Variants in SRPRB observed in about 807,000 individuals in gnomAD.
SRPRB encodes SRP receptor subunit beta.
SRPRB carries 20 observed loss-of-function variants against 31.9 expected under a neutral mutation model. The ratio of observed to expected loss-of-function variants is 0.63; its 90% CI spans 0.44 to 0.91. The LOEUF is 0.91. Ranked by LOEUF, SRPRB falls within the 40% of genes least tolerant of loss-of-function variation. The pLI is 0.00. For missense variants in SRPRB, 321 were observed against 324.9 expected, an observed-to-expected ratio of 0.99 and a Z score of 0.09; for synonymous variants, 146 against 132.8, an observed-to-expected ratio of 1.10 and a Z score of -0.68.
At chr3:133,789,878 C>CATTTTTTTTTTTTTTTTTTTT (rs1559884865) in intron 1 of SRPRB, 1 of 52,408 alleles carries the variant, frequency 1.9e-5, no homozygotes, top group African/African-American at 9.3e-5. Flanking sequence ...ATCTCGTTTG[C>CATTTTTTTTTTTTTTTTTTTT]GTTTTTTTTT....
chr3:133,815,223 C>A (rs1370650114), intron 4 of SRPRB, among the ~76,000 whole-genome samples: 2 of 152,208 alleles, frequency 1.3e-5, no homozygotes, highest in African/African-American at 2.4e-5. Flanking sequence ...TCAACTGTTA[C>A]ATTCTCCTTA....
At chr3:133,827,592 A>C, downstream of SRPRB, 1 of 351,930 alleles carries the variant, frequency 2.8e-6, no homozygotes. Flanking sequence ...CAGCCACAGT[A>C]GCCACAAAGA....
At chr3:133,828,024 A>C (rs942084627), downstream of SRPRB, 3 of 702,340 alleles carry the variant, frequency 4.3e-6, no homozygotes, top group Non-Finnish European at 7.8e-6. Flanking sequence ...CCAGTCCCTG[A>C]GGGCACAGAG....
chr3:133,816,895 T>G lies in SRPRB; in HGVS notation c.565T>G (p.Ser189Ala). The G allele has an allele frequency of 6.2e-7, 1 of 1,609,974 alleles. No homozygotes were observed. The highest frequency in any genetic ancestry group is 8.5e-7 in the Non-Finnish European group (1 of 1,178,130). The change falls in exon 6 of 7, where the codon TCA becomes GCA. Residue 189 changes from serine to alanine, a missense_variant. Ser to Ala is a moderately conservative substitution (Grantham distance 99, BLOSUM62 1). Transcript: ENST00000678299. ...CNKQDIAMAKSAKLIQQQLEK... is the reference protein window; with the variant it reads ...CNKQDIAMAKAAKLIQQQLEK... ...CTTTACAGATATTGCAATGGCAAAA[T>G]CAGCAAAGTTAATTCAACAGCAGCT...
At chr3:133,784,478 AAT>A (rs1371854801) in intron 1 of SRPRB, 4 of 125,978 alleles carry the variant, frequency 3.2e-5, no homozygotes, top group African/African-American at 7.7e-5. Flanking sequence ...AAAAAATAAT[AAT>A]AATAATAATA....
chr3:133,812,591 T>A (rs1237551704), intron 4 of SRPRB, among the ~76,000 whole-genome samples: 1 of 152,246 alleles, frequency 6.6e-6, no homozygotes, highest in Non-Finnish European at 1.5e-5. Context: ...GACTTTTTTT[T>A]AATCCTACTT....
In SRPRB at chr3:133,820,262, G is replaced by A. The variant is rs1360701982; in HGVS notation, c.*496G>A. 6.2e-6 allele frequency: 1 copy of A among 161,814 alleles called. No homozygotes were observed. The highest frequency in any genetic ancestry group is 1.7e-4 in the East Asian group (1 of 5,900). The allele number at this position is 161,814 out of a possible 1,614,324, so 10.0% of individuals were successfully genotyped here. A position where few individuals can be genotyped will look rare whatever the true frequency, so the allele number is the denominator to read the frequency against. On this transcript the variant is annotated 3_prime_UTR_variant, in exon 7 of 7. Transcript: ENST00000678299. ...TTCTCTGATTTGTGGGCACAGTTAT[G>A]AAGTTTCCCCACATGTGAAGACAGG...
chr3:133,800,350 C>G (rs964365593), intron 1 of SRPRB, among the ~76,000 whole-genome samples: 2 of 152,142 alleles, frequency 1.3e-5, no homozygotes, highest in Non-Finnish European at 2.9e-5. Context: ...GTGGGACTGT[C>G]CAAAGTATCA....
downstream of SRPRB, chr3:133,827,542 G>A (rs956797182): frequency 1.3e-5 from 3 of 238,036 alleles, no homozygotes; most frequent in African/African-American, 6.8e-5. Flanking sequence ...GCAGCCTTCT[G>A]GAGACCCCAC....
intron 1 of SRPRB, chr3:133,794,818 A>G (rs1035015393): frequency 6.6e-6 from 1 of 152,228 alleles, no homozygotes; most frequent in Non-Finnish European, 1.5e-5. Context: ...TATTATCATG[A>G]GACTCTTATC....
chr3:133,809,583 G>C (rs190660699), intron 3 of SRPRB, among the ~76,000 whole-genome samples: 34 of 151,658 alleles, frequency 2.2e-4, no homozygotes, highest in African/African-American at 8.0e-4. Context: ...AGATCATCTA[G>C]TACCTGCACT....
At chr3:133,792,185 T>G (rs1934855818) in intron 1 of SRPRB, 1 of 152,128 alleles carries the variant, frequency 6.6e-6, no homozygotes, top group Non-Finnish European at 1.5e-5. Flanking sequence ...CCCCTAGCTA[T>G]GCAAAGAAGG....
chr3:133,800,497 C>T (rs1451140176), intron 1 of SRPRB, among the ~76,000 whole-genome samples: 1 of 152,152 alleles, frequency 6.6e-6, no homozygotes, highest in African/African-American at 2.4e-5. Context: ...GAGGGAGCTG[C>T]CCAAGCTGCC....
At chr3:133,825,955 C>T (rs900276503), downstream of SRPRB, 8 of 152,344 alleles carry the variant, frequency 5.3e-5, no homozygotes, top group South Asian at 1.7e-3. Flanking sequence ...ATGACATCTT[C>T]TTCAAGAGCA....
intron 1 of SRPRB, chr3:133,786,592 T>C (rs1430359717): frequency 6.6e-6 from 1 of 152,240 alleles, no homozygotes; most frequent in Non-Finnish European, 1.5e-5. Flanking sequence ...TTCTAGATGT[T>C]AAAGAGGTTG....
intron 6 of SRPRB, among the ~76,000 whole-genome samples, chr3:133,818,785 AGTGTGTGTGTGTGT>A (rs146467727): frequency 7.1e-4 from 103 of 144,208 alleles, no homozygotes; most frequent in South Asian, 1.4e-3. Context: ...ATACTTTTAC[AGTGTGTGTGTGTGT>A]GTGTGTGTGT....
At chr3:133,824,329 A>G (rs183164063), downstream of SRPRB, 2 of 152,294 alleles carry the variant, frequency 1.3e-5, no homozygotes, top group Non-Finnish European at 2.9e-5. Context: ...CATGGCGGCT[A>G]TGTCTTCTGA....
intron 6 of SRPRB, among the ~76,000 whole-genome samples, 187 bp from the exon 7 acceptor site, chr3:133,819,366 C>T: frequency 6.6e-6 from 1 of 151,674 alleles, no homozygotes; most frequent in Admixed American, 6.6e-5. Context: ...CCAGCCCGCC[C>T]CACCTACCTC....
At chr3:133,824,197 C>G (rs1014419334), downstream of SRPRB, 1 of 152,220 alleles carries the variant, frequency 6.6e-6, no homozygotes, top group East Asian at 1.9e-4. Flanking sequence ...TTGAACCCCC[C>G]CATTTATGAC....
Sources: allele counts gnomAD v4.1 joint callset (sites outside exome capture counted in the v4.1 genomes callset), GRCh38; gene constraint gnomAD v4.1.1; transcripts MANE v1.5; gene names NCBI Gene and HGNC (gene_info 2026-07-23, HGNC 2026-07-21).